Variants in PBX1 observed in about 807,000 individuals in gnomAD.
PBX1 encodes the protein pre-B-cell leukemia transcription factor 1.
In PBX1, 6 loss-of-function variants were observed where a neutral mutation model predicts 53.4. The ratio of observed to expected loss-of-function variants is 0.11; its 90% CI spans 0.06 to 0.22. The LOEUF is 0.22. Among genes scored for constraint, PBX1 ranks in the 10% least tolerant of loss-of-function variants. The pLI, the probability that PBX1 is intolerant of heterozygous loss-of-function variation, is 1.00. For synonymous variants in PBX1, 204 were observed against 212.3 expected (o/e 0.96, Z 0.34); for missense variants, 251 against 551.4 (o/e 0.46, Z 5.46).
intron 2 of PBX1, chr1:164,651,784 C>G (rs1659835683): frequency 6.6e-6 from 1 of 152,220 alleles, no homozygotes; most frequent in South Asian, 2.1e-4. Context: ...CCTATTCTTC[C>G]CCGGGTGGGG....
chr1:164,705,906 T>A (rs1386099133), intron 2 of PBX1, among the ~76,000 whole-genome samples: 1 of 152,242 alleles, frequency 6.6e-6, no homozygotes, highest in Non-Finnish European at 1.5e-5. Flanking sequence ...AGTACCTATG[T>A]GTGAATGGCA....
At chr1:164,843,021 A>G (rs1558040652) in intron 8 of PBX1, among the ~76,000 whole-genome samples, 1 of 151,758 alleles carries the variant, frequency 6.6e-6, no homozygotes, top group Non-Finnish European at 1.5e-5. Context: ...CAGTCGAGGT[A>G]GAGGGAAGGA....
rs748191385 is a variant in PBX1 at position 164,850,340 on chromosome 1, T to TAAA, written c.*3679_*3681dup. The TAAA allele has an allele frequency of 8.7e-5, 11 of 126,916 alleles. No homozygotes were observed. The highest frequency in any genetic ancestry group is 1.5e-4 in the African/African-American group (4 of 26,498). 7.9% of individuals were successfully genotyped at this position (126,916 alleles called of 1,614,324 possible). On this transcript the variant is annotated 3_prime_UTR_variant, in exon 9 of 9. Coordinates refer to ENST00000420696, the MANE Select transcript of PBX1 (RefSeq NM_002585.4). ...AGTGACAGTAATTCATTTTGTAAAC[T>TAAA]AAAAAAAAAAAAAAAAAGGTTGGAA...
Position 164,807,632 on chromosome 1 carries a change from A to G in PBX1, c.792A>G (p.Glu264=). ...TCAGCAACCCTTACCCCAGTGAGGA[A>G]GCCAAAGAGGAGTTAGCCAAGAAGT... ...SHLSNPYPSE[E]AKEELAKKCG... is the part of the protein sequence containing the mutation. Residue 264 remains glutamate (E), a synonymous_variant, in exon 5 of 9, where the codon GAA becomes GAG. Transcript: ENST00000420696. The G allele has an allele frequency of 7.4e-6, 12 of 1,614,134 alleles. No homozygotes were observed. The highest frequency in any genetic ancestry group is 1.0e-5 in the Non-Finnish European group (12 of 1,179,984).
intron 2 of PBX1, among the ~76,000 whole-genome samples, chr1:164,708,910 T>G (rs1663595012): frequency 6.6e-6 from 1 of 152,220 alleles, no homozygotes. Context: ...TTCTTCATTT[T>G]AAGCACTACT....
At chr1:164,707,881 G>A (rs565393129) in intron 2 of PBX1, among the ~76,000 whole-genome samples, 7 of 152,312 alleles carry the variant, frequency 4.6e-5, no homozygotes, top group Admixed American at 4.6e-4. Flanking sequence ...TTTCGATTGC[G>A]CTATCTTGAT....
intron 2 of PBX1, among the ~76,000 whole-genome samples, chr1:164,745,529 A>G (rs1287836367): frequency 6.6e-6 from 1 of 152,238 alleles, no homozygotes; most frequent in Non-Finnish European, 1.5e-5. Flanking sequence ...TCAACGCAGG[A>G]ACTGTGTAAA....
chr1:164,854,387 C>G (rs1329204702), downstream of PBX1: 2 of 151,830 alleles, frequency 1.3e-5, no homozygotes, highest in African/African-American at 2.4e-5. Flanking sequence ...TTTTACTGAC[C>G]ACCATTTCGT....
intron 2 of PBX1, among the ~76,000 whole-genome samples, chr1:164,649,691 A>G (rs1474259282): frequency 6.6e-6 from 1 of 152,102 alleles, no homozygotes; most frequent in Non-Finnish European, 1.5e-5. Context: ...CAAACTTTCA[A>G]GTTAGCTTTT....
chr1:164,575,833 G>A (rs1417816428), intron 2 of PBX1, among the ~76,000 whole-genome samples: 4 of 151,772 alleles, frequency 2.6e-5, no homozygotes, highest in African/African-American at 9.7e-5. Flanking sequence ...TTACTAGGGT[G>A]CCTGTAATAC....
At chr1:164,592,732 G>C (rs935891825) in intron 2 of PBX1, among the ~76,000 whole-genome samples, 1 of 152,156 alleles carries the variant, frequency 6.6e-6, no homozygotes, top group Non-Finnish European at 1.5e-5. Flanking sequence ...TTGCTCCTCA[G>C]GCTTTGAATT....
In PBX1 at chr1:164,820,440, C is replaced by T. The variant is rs1037929880; in HGVS notation, c.1110+256C>T. On this transcript the variant is annotated intron_variant, in intron 7 of 8. Coordinates refer to ENST00000420696, the MANE Select transcript of PBX1 (RefSeq NM_002585.4). Reference sequence around the variant, plus strand: ...AACAGTAAGCACAGGGCAAGGTGACCGAGACACATCAGGCAGGTGGAACCA... The same window carrying T: ...AACAGTAAGCACAGGGCAAGGTGACTGAGACACATCAGGCAGGTGGAACCA... 7.2e-5 allele frequency among the ~76,000 whole-genome samples: 11 copies of T among 152,140 alleles called. No individual in the cohort carries two copies. In the South Asian group the frequency reaches 1.0e-3, roughly 14 times the overall value.
intron 2 of PBX1, among the ~76,000 whole-genome samples, chr1:164,581,064 C>G (rs1654580430): frequency 6.6e-6 from 1 of 152,154 alleles, no homozygotes; most frequent in Admixed American, 6.5e-5. Context: ...GCCCATTGTC[C>G]TATCACACCA....
At chr1:164,794,215 TG>T (rs1668676224) in intron 3 of PBX1, among the ~76,000 whole-genome samples, 1 of 152,084 alleles carries the variant, frequency 6.6e-6, no homozygotes, top group Non-Finnish European at 1.5e-5. Flanking sequence ...AGAGAAAAAG[TG>T]GAAGGTAGAA....
In PBX1 at chr1:164,718,279, A is replaced by G. The variant is rs1664217256; in HGVS notation, c.266-74215A>G. On this transcript the variant is annotated intron_variant, in intron 2 of 8. Transcript: ENST00000420696. ...TATTCAAGGTAATTTTGGAGAATCTAGGTGTTTTGGGCAAAAGAATTCATC... is the reference window on the plus strand; with the variant it reads ...TATTCAAGGTAATTTTGGAGAATCTGGGTGTTTTGGGCAAAAGAATTCATC... Among the ~76,000 whole-genome samples the G allele has an allele frequency of 2.0e-5, 3 of 152,208 alleles. No individual in the cohort carries two copies. The South Asian group carries it at 6.2e-4, about 32-fold the overall frequency.
At chr1:164,586,238 A>G (rs971161106) in intron 2 of PBX1, among the ~76,000 whole-genome samples, 1 of 152,218 alleles carries the variant, frequency 6.6e-6, no homozygotes, top group Non-Finnish European at 1.5e-5. Context: ...GGTGTGTACT[A>G]TCTGCAGAAG....
intron 2 of PBX1, among the ~76,000 whole-genome samples, chr1:164,691,890 A>C (rs1403689846): frequency 6.6e-6 from 1 of 152,198 alleles, no homozygotes; most frequent in African/African-American, 2.4e-5. Context: ...GTGACTACAC[A>C]GTCAAAGCAT....
chr1:164,619,939 C>T (rs2792257), intron 2 of PBX1, among the ~76,000 whole-genome samples: 65,851 of 151,984 alleles, frequency 0.43, 14,623 homozygotes, highest in East Asian at 0.53. Flanking sequence ...TTTGGGAGGC[C>T]GAGGTGGGAG....
At chr1:164,729,522 T>G (rs1664875107) in intron 2 of PBX1, among the ~76,000 whole-genome samples, 1 of 152,238 alleles carries the variant, frequency 6.6e-6, no homozygotes, top group East Asian at 1.9e-4. Flanking sequence ...TACATGTAAC[T>G]AATAGGAAGC....
Sources: gnomAD v4.1 joint callset for allele counts (sites outside exome capture counted in the v4.1 genomes callset) on GRCh38, gnomAD v4.1.1 for gene constraint, MANE v1.5 for transcripts, NCBI Gene and HGNC (gene_info 2026-07-23, HGNC 2026-07-21) for gene names.